Variants in WDR72 observed in about 807,000 individuals in gnomAD.
WDR72 encodes WD repeat-containing protein 72.
WDR72 carries 120 observed loss-of-function variants against 124.2 expected under a neutral mutation model. That is an observed-to-expected ratio of 0.97 (90% CI 0.83 to 1.12). The LOEUF (loss-of-function observed/expected upper bound fraction) is 1.12. Among genes scored for constraint, WDR72 ranks in the 50% most tolerant of loss-of-function variants. The pLI is 0.00. For missense variants in WDR72, 1,387 were observed against 1,278.8 expected (o/e 1.08, Z -1.29); for synonymous variants, 452 against 441.7 (o/e 1.02, Z -0.29).
At chr15:53,753,239 T>C (rs1000067816) in intron 1 of WDR72, among the ~76,000 whole-genome samples, 7 of 152,192 alleles carry the variant, frequency 4.6e-5, no homozygotes, top group Admixed American at 4.6e-4. Context: ...TAACAATCCA[T>C]TTTTCCTCCT....
At chr15:53,573,704 C>T (rs1257812583) in intron 18 of WDR72, among the ~76,000 whole-genome samples, 1 of 152,120 alleles carries the variant, frequency 6.6e-6, no homozygotes, top group Non-Finnish European at 1.5e-5. Flanking sequence ...CACCACCACA[C>T]CTAGCTAATT....
chr15:53,650,791 A>G (rs1179638572), intron 14 of WDR72, among the ~76,000 whole-genome samples: 1 of 152,136 alleles, frequency 6.6e-6, no homozygotes, highest in Non-Finnish European at 1.5e-5. Context: ...TGTTAAAACA[A>G]ACAACAAAAC....
At position 53,729,799 on chromosome 15, in the gene WDR72, C is replaced by CAA. The variant is rs545511315; in HGVS notation, c.153+3196_153+3197dup. ...TTAACACCCATTAGAATGGCTATTA[C>CAA]AAAAAAAAAAATAAAGTAACTAGCA... On this transcript the variant is annotated intron_variant, in intron 2 of 19. Transcript: ENST00000360509. Among the ~76,000 whole-genome samples, 614 of 141,830 alleles carry CAA rather than the reference C, an allele frequency of 4.3e-3. 7 individuals are homozygous for CAA. The highest frequency in any genetic ancestry group is 0.016 in the African/African-American group (585 of 36,414). 93.0% of individuals were successfully genotyped at this position (141,830 alleles called of 152,430 possible). A position where few individuals can be genotyped will look rare whatever the true frequency, so the allele number is the denominator to read the frequency against.
chr15:53,734,752 A>G (rs965620211), intron 1 of WDR72, among the ~76,000 whole-genome samples: 3 of 151,894 alleles, frequency 2.0e-5, no homozygotes, highest in Non-Finnish European at 4.4e-5. Context: ...AAGAAAGAGT[A>G]TTTCCAAATC....
intron 18 of WDR72, among the ~76,000 whole-genome samples, chr15:53,531,069 A>T (rs1385144394): frequency 2.0e-5 from 3 of 152,078 alleles, no homozygotes; most frequent in Non-Finnish European, 4.4e-5. Flanking sequence ...AAATCACATT[A>T]TCTAGACTAC....
chr15:53,540,773 G>C (rs1467391487), intron 18 of WDR72: 1 of 155,478 alleles, frequency 6.4e-6, no homozygotes, highest in Non-Finnish European at 1.4e-5. Context: ...GTGGGCGCAG[G>C]TCAGTGGGTG....
At chr15:53,632,320 T>A (rs1203983699) in intron 14 of WDR72, among the ~76,000 whole-genome samples, 1 of 152,050 alleles carries the variant, frequency 6.6e-6, no homozygotes, top group Non-Finnish European at 1.5e-5. Context: ...AGTTTCCATG[T>A]GGTAATAAGC....
chr15:53,528,211 T>C (rs1892233994), intron 18 of WDR72, among the ~76,000 whole-genome samples: 2 of 152,084 alleles, frequency 1.3e-5, no homozygotes, highest in African/African-American at 4.8e-5. Flanking sequence ...GGAAAACTTA[T>C]CTGGCTAAAG....
At chr15:53,588,030 T>C (rs796396086) in intron 18 of WDR72, among the ~76,000 whole-genome samples, 1 of 152,026 alleles carries the variant, frequency 6.6e-6, no homozygotes, top group East Asian at 1.9e-4. Flanking sequence ...TTGAACAAAG[T>C]AGATAAATTT....
At chr15:53,600,250 A>G (rs1193737353) in intron 17 of WDR72, among the ~76,000 whole-genome samples, 1 of 152,182 alleles carries the variant, frequency 6.6e-6, no homozygotes, top group Admixed American at 6.5e-5. Flanking sequence ...GTCTCTCTCT[A>G]TAAATGTAAT....
intron 13 of WDR72, among the ~76,000 whole-genome samples, chr15:53,675,756 T>G (rs2016151373): frequency 6.6e-6 from 1 of 152,162 alleles, no homozygotes; most frequent in Non-Finnish European, 1.5e-5. Flanking sequence ...TCTTGCTGAG[T>G]TGATCTGGAA....
intron 1 of WDR72, among the ~76,000 whole-genome samples, chr15:53,735,253 T>C (rs1402960740): frequency 6.6e-6 from 1 of 152,016 alleles, no homozygotes; most frequent in Non-Finnish European, 1.5e-5. Flanking sequence ...ATTGTGCCAC[T>C]GCACTCCAGC....
At chr15:53,523,134 C>G in intron 19 of WDR72, 84 bp downstream of exon 19, 95 of 1,208,530 alleles carry the variant, frequency 7.9e-5, no homozygotes, top group Middle Eastern at 5.8e-4. Context: ...ATTACAATGT[C>G]CTCTCCCCTC....
At chr15:53,730,197 G>A (rs1024053513) in intron 2 of WDR72, among the ~76,000 whole-genome samples, 2 of 152,058 alleles carry the variant, frequency 1.3e-5, no homozygotes, top group East Asian at 3.9e-4. Flanking sequence ...TAAGAAGAAA[G>A]GAAATACTGT....
At chr15:53,666,495 ACACT>A (rs1161484871) in intron 13 of WDR72, among the ~76,000 whole-genome samples, 1 of 152,208 alleles carries the variant, frequency 6.6e-6, no homozygotes, top group African/African-American at 2.4e-5. Context: ...ACAATGCCAT[ACACT>A]CAGTGAAATA....
chr15:53,655,649 C>A (rs1196342522), intron 14 of WDR72, among the ~76,000 whole-genome samples: 1 of 151,952 alleles, frequency 6.6e-6, no homozygotes, highest in East Asian at 1.9e-4. Flanking sequence ...CGACAAGAGA[C>A]CTCTAGTGGG....
chr15:53,562,149 T>C (rs1446706452), intron 18 of WDR72, among the ~76,000 whole-genome samples: 2 of 151,470 alleles, frequency 1.3e-5, no homozygotes, highest in African/African-American at 2.4e-5. Flanking sequence ...CCAGGAGGGG[T>C]TGAAAAAATT....
chr15:53,564,721 G>A (rs1332971852), intron 18 of WDR72, among the ~76,000 whole-genome samples: 1 of 151,826 alleles, frequency 6.6e-6, no homozygotes. Flanking sequence ...TATTCAGTAG[G>A]ATGACATTTA....
At chr15:53,718,815 G>GATTTTTAAAAATTTTAAAAACCTTAAGA (rs1555427927) in intron 3 of WDR72, among the ~76,000 whole-genome samples, 1 of 116,960 alleles carries the variant, frequency 8.5e-6, no homozygotes, top group Admixed American at 8.3e-5. Flanking sequence ...AAAACCTTAA[G>GATTTTTAAAAATTTTAAAAACCTTAAGA]ATTTTTAAAA....
Sources: allele counts gnomAD v4.1 joint callset (sites outside exome capture counted in the v4.1 genomes callset), GRCh38; gene constraint gnomAD v4.1.1; transcripts MANE v1.5; gene names NCBI Gene and HGNC (gene_info 2026-07-23, HGNC 2026-07-21).